The following RASA1 variants were observed in gnomAD, a reference collection of about 807,000 sequenced individuals.
RASA1 encodes ras GTPase-activating protein 1.
A neutral mutation model predicts 132.2 loss-of-function variants in RASA1; 25 were observed. That is an observed-to-expected ratio of 0.19 (90% CI 0.14 to 0.26). The LOEUF (loss-of-function observed/expected upper bound fraction) is 0.26. RASA1 is among the 10% of genes least tolerant of loss of function. The probability of loss-of-function intolerance (pLI) is 1.00; values close to 1 mark genes in which losing one functional copy is unlikely to be tolerated. For missense variants in RASA1, 964 were observed against 1,299.2 expected, an observed-to-expected ratio of 0.74 and a Z score of 3.97; for synonymous variants, 477 against 449.9, an observed-to-expected ratio of 1.06 and a Z score of -0.76.
chr5:87,357,686 C>T (rs762375178), intron 9 of RASA1, among the ~76,000 whole-genome samples: 2 of 150,300 alleles, frequency 1.3e-5, no homozygotes, highest in African/African-American at 2.5e-5. Flanking sequence ...GACTGGGAGA[C>T]AGAACGAGAT....
At position 87,376,465 on chromosome 5, in the gene RASA1, A is replaced by C; in HGVS notation, c.2084A>C (p.His695Pro). 1 of 1,614,048 alleles carries C rather than the reference A, an allele frequency of 6.2e-7. No homozygotes were observed. The highest frequency in any genetic ancestry group is 8.5e-7 in the Non-Finnish European group (1 of 1,179,962). ...ATDEWFLLSS[H>P]IPLKGIEPGS... ...GATGAATGGTTTCTGCTCAGCTCCC[A>C]TATACCATTAAAAGGTATTGAACCA... Residue 695 changes from histidine (H) to proline (P), a missense_variant, in exon 16 of 25, where the codon CAT (histidine) becomes CCT (proline). Coordinates refer to ENST00000274376, the MANE Select transcript of RASA1 (RefSeq NM_002890.3).
intron 6 of RASA1, among the ~76,000 whole-genome samples, chr5:87,342,282 C>T (rs1011681449): frequency 6.6e-6 from 1 of 151,552 alleles, no homozygotes; most frequent in Non-Finnish European, 1.5e-5. Context: ...CCTTAGTCTC[C>T]TGAGTAGCTG....
intron 9 of RASA1, among the ~76,000 whole-genome samples, chr5:87,358,579 A>T (rs1428152545): frequency 6.6e-6 from 1 of 152,204 alleles, no homozygotes; most frequent in African/African-American, 2.4e-5. Context: ...TTGTCCCCTT[A>T]TGCTGCATGC....
At chr5:87,350,302 A>G (rs969309491) in intron 8 of RASA1, among the ~76,000 whole-genome samples, 6 of 151,888 alleles carry the variant, frequency 4.0e-5, no homozygotes, top group African/African-American at 1.4e-4. Flanking sequence ...AGTACTTTAT[A>G]CATGACAATC....
At chr5:87,273,462 C>G (rs1006260698) in intron 1 of RASA1, among the ~76,000 whole-genome samples, 7 of 151,954 alleles carry the variant, frequency 4.6e-5, no homozygotes, top group Admixed American at 2.6e-4. Context: ...TTTGGAGTTT[C>G]TTTTCATGGT....
chr5:87,278,287 C>T (rs1385783712), intron 1 of RASA1, among the ~76,000 whole-genome samples: 1 of 151,948 alleles, frequency 6.6e-6, no homozygotes, highest in African/African-American at 2.4e-5. Context: ...TGGCTCACTC[C>T]TGTAATCCCA....
intron 1 of RASA1, among the ~76,000 whole-genome samples, chr5:87,285,203 G>T (rs1265534538): frequency 1.3e-5 from 2 of 151,812 alleles, no homozygotes; most frequent in Admixed American, 1.3e-4. Flanking sequence ...AAGTAGCTGG[G>T]ACTACAGGCG....
chr5:87,300,294 G>C (rs1032401172), intron 1 of RASA1, among the ~76,000 whole-genome samples: 1 of 152,048 alleles, frequency 6.6e-6, no homozygotes, highest in East Asian at 1.9e-4. Context: ...GGAAGTTCAC[G>C]TGAGCCCAAG....
chr5:87,365,157 T>G (rs1190001116), intron 11 of RASA1, among the ~76,000 whole-genome samples: 1 of 152,182 alleles, frequency 6.6e-6, no homozygotes, highest in African/African-American at 2.4e-5. Flanking sequence ...GAGCAGAGCT[T>G]CCTAACCAGT....
Position 87,378,416 on chromosome 5 carries a change from C to T in RASA1, c.2365C>T (p.Arg789Ter), listed in dbSNP as rs1463885690. 2 of 1,612,502 alleles carry T rather than the reference C, an allele frequency of 1.2e-6. No homozygotes were observed. The highest frequency in any genetic ancestry group is 1.1e-5 in the South Asian group (1 of 91,020). Residue 789 changes from arginine to a stop codon, truncating the protein, a stop_gained, in exon 18 of 25, where the codon CGA becomes TGA. Transcript: ENST00000274376. LOFTEE classifies it high-confidence loss of function. ...SMEDEATTLF[R>*]ATTLASTLME... ...TGTAGATGAAGCCACTACCCTATTT[C>T]GAGCCACAACACTTGCAAGCACCTT...
chr5:87,268,855 C>T lies in RASA1; in HGVS notation c.404C>T (p.Pro135Leu). The T allele has an allele frequency of 1.9e-6, 3 of 1,614,150 alleles. No homozygotes were observed. The highest frequency in any genetic ancestry group is 2.2e-5 in the South Asian group (2 of 91,084). ...ACTCTCGGGCCAGGCGGCGGTTTTC[C>T]CCCTCTGCCCCCTCCCCCTTACCTG... ...AETLGPGGGF[P>L]PLPPPPYLPP... The change falls in exon 1 of 25, where the codon CCC (proline) becomes CTC (leucine). Residue 135 changes from proline (P) to leucine (L), a missense_variant. Transcript: ENST00000274376.
intron 1 of RASA1, among the ~76,000 whole-genome samples, chr5:87,298,237 G>A (rs1294612154): frequency 6.6e-6 from 1 of 151,784 alleles, no homozygotes; most frequent in Non-Finnish European, 1.5e-5. Context: ...GTGAAACCCT[G>A]TCTCTACTAA....
intron 1 of RASA1, among the ~76,000 whole-genome samples, chr5:87,321,006 G>A (rs1756755907): frequency 6.6e-6 from 1 of 152,182 alleles, no homozygotes; most frequent in African/African-American, 2.4e-5. Context: ...ACACTTCTGA[G>A]CTATTAGAGT....
rs956930956 is a variant in RASA1 at position 87,329,442 on chromosome 5, T to TAAAAC, written c.540-1891_540-1887dup. Among the ~76,000 whole-genome samples, 15 of 152,040 alleles carry TAAAAC rather than the reference T, an allele frequency of 9.9e-5. 1 individual carries two copies. The highest frequency in any genetic ancestry group is 4.6e-4 in the Admixed American group (7 of 15,254). ...GGGCGACAGAGTGAGACTCCCGTCT[T>TAAAAC]AAAACAAAACAAAACAAAAACAACT... On this transcript the variant is annotated intron_variant, in intron 1 of 24. Coordinates refer to ENST00000274376, the MANE Select transcript of RASA1 (RefSeq NM_002890.3).
intron 1 of RASA1, among the ~76,000 whole-genome samples, chr5:87,292,859 T>TA (rs1754967763): frequency 6.6e-6 from 1 of 152,162 alleles, no homozygotes; most frequent in Non-Finnish European, 1.5e-5. Flanking sequence ...ATCCTGTACA[T>TA]ATTTTGTTAG....
chr5:87,359,271 A>G (rs765245079), intron 9 of RASA1, among the ~76,000 whole-genome samples: 11 of 152,170 alleles, frequency 7.2e-5, no homozygotes, highest in African/African-American at 2.7e-4. Context: ...GCTTGGTTCA[A>G]TGGCTGTTAG....
At position 87,271,564 on chromosome 5, in the gene RASA1, C is replaced by T. The variant is rs529114560; in HGVS notation, c.539+2574C>T. 5.3e-5 allele frequency among the ~76,000 whole-genome samples: 8 copies of T among 150,098 alleles called. No homozygotes were observed. In the East Asian group the frequency reaches 1.4e-3, roughly 26 times the overall value. On this transcript the variant is annotated intron_variant, in intron 1 of 24. Transcript: ENST00000274376. Reference sequence around the variant, plus strand: ...GCTCACTGCAAGCTCCGCCCCGCCCCTCCCCGCCTTCAGGTTCAAGCGATT... The same window carrying T: ...GCTCACTGCAAGCTCCGCCCCGCCCTTCCCCGCCTTCAGGTTCAAGCGATT...
At chr5:87,377,331 C>A (rs558806587) in intron 17 of RASA1, among the ~76,000 whole-genome samples, 1 of 151,920 alleles carries the variant, frequency 6.6e-6, no homozygotes, top group African/African-American at 2.4e-5. Flanking sequence ...TATCTGTATT[C>A]TCTTGTTTTT....
intron 1 of RASA1, among the ~76,000 whole-genome samples, chr5:87,293,663 A>C (rs1754999309): frequency 6.6e-6 from 1 of 152,052 alleles, no homozygotes; most frequent in South Asian, 2.1e-4. Flanking sequence ...TCTTTTCTTT[A>C]TATGTTTATT....
Sources: gnomAD v4.1 joint callset for allele counts (sites outside exome capture counted in the v4.1 genomes callset) on GRCh38, gnomAD v4.1.1 for gene constraint, MANE v1.5 for transcripts, NCBI Gene and HGNC (gene_info 2026-07-23, HGNC 2026-07-21) for gene names.